RPH3AL: variants seen among roughly 807,000 people sequenced by gnomAD.
The protein encoded by RPH3AL is rabphilin 3A like (without C2 domains).
In RPH3AL, 38 loss-of-function variants were observed where a neutral mutation model predicts 43.1. The observed-to-expected ratio is 0.88, with a 90% confidence interval of 0.68 to 1.15. The LOEUF (loss-of-function observed/expected upper bound fraction) is 1.15, where lower values mean the gene tolerates loss of function less well. Ranked by LOEUF, RPH3AL falls within the 50% of genes most tolerant of loss-of-function variation. The pLI is 0.00. For missense variants in RPH3AL, 462 were observed against 423.2 expected (o/e 1.09, Z -0.81); for synonymous variants, 189 against 176.3 (o/e 1.07, Z -0.57).
intron 8 of RPH3AL, among the ~76,000 whole-genome samples, chr17:217,345 C>T (rs1301805662): frequency 2.3e-5 from 2 of 88,458 alleles, no homozygotes; most frequent in Non-Finnish European, 6.3e-5. Context: ...AGCCCTTCTT[C>T]TGCATTAAAA....
chr17:236,078 A>G (rs2041388388), intron 7 of RPH3AL, among the ~76,000 whole-genome samples: 1 of 150,914 alleles, frequency 6.6e-6, no homozygotes, highest in Non-Finnish European at 1.5e-5. Flanking sequence ...GGTCGGCCAC[A>G]TGGCTTCCCT....
At chr17:303,021 T>G (rs1325745792) in intron 5 of RPH3AL, among the ~76,000 whole-genome samples, 5 of 152,200 alleles carry the variant, frequency 3.3e-5, no homozygotes, top group Admixed American at 3.3e-4. Flanking sequence ...CTATGAGGCA[T>G]CCAAGTCAGA....
chr17:221,368 C>T (rs2040968080), intron 7 of RPH3AL, among the ~76,000 whole-genome samples: 1 of 142,062 alleles, frequency 7.0e-6, no homozygotes, highest in African/African-American at 2.8e-5. Context: ...GCTCTGAGGG[C>T]TCCACTCACT....
At chr17:272,263 C>T (rs1232376619) in intron 6 of RPH3AL, among the ~76,000 whole-genome samples, 3 of 151,924 alleles carry the variant, frequency 2.0e-5, no homozygotes, top group Admixed American at 6.6e-5. Flanking sequence ...GGGTATATAC[C>T]CAAAGGACTA....
At chr17:296,070 A>G (rs2043170867) in intron 5 of RPH3AL, among the ~76,000 whole-genome samples, 1 of 146,504 alleles carries the variant, frequency 6.8e-6, no homozygotes, top group African/African-American at 2.6e-5. Flanking sequence ...ATGGACGGGC[A>G]GAGGGAATAC....
chr17:220,417 G>T (rs62059567), intron 7 of RPH3AL, among the ~76,000 whole-genome samples: 86 of 70,312 alleles, frequency 1.2e-3, no homozygotes, highest in South Asian at 2.4e-3. Context: ...ACAACAGCTC[G>T]GAGGCCTCCA....
intron 9 of RPH3AL, among the ~76,000 whole-genome samples, chr17:214,469 C>CA (rs1226764388): frequency 6.6e-6 from 1 of 152,198 alleles, no homozygotes; most frequent in African/African-American, 2.4e-5. Flanking sequence ...TTTTGAACCA[C>CA]AAAAATGCAA....
chr17:280,668 A>G (rs1398814410), intron 6 of RPH3AL, among the ~76,000 whole-genome samples: 1 of 152,194 alleles, frequency 6.6e-6, no homozygotes, highest in African/African-American at 2.4e-5. Flanking sequence ...CACGAAACCA[A>G]TGGGGAATTG....
At position 215,823 on chromosome 17, in the gene RPH3AL, G is replaced by A; in HGVS notation, c.728-21C>T. The A allele has an allele frequency of 7.7e-7, 1 of 1,299,164 alleles. No homozygotes were observed. The highest frequency in any genetic ancestry group is 9.8e-7 in the Non-Finnish European group (1 of 1,020,274). 80.5% of individuals were successfully genotyped at this position (1,299,164 alleles called of 1,614,324 possible). A position where few individuals can be genotyped will look rare whatever the true frequency, so the allele number is the denominator to read the frequency against. On this transcript the variant is annotated intron_variant, in intron 8 of 9. Coordinates refer to ENST00000331302, the MANE Select transcript of RPH3AL (RefSeq NM_006987.4). The surrounding 1 kb of genome is among the most constrained non-coding windows in gnomAD (Gnocchi z 4.1). ...GCCACCTGTGGGAAATCACGTGTGG[G>A]CCCCGTGGATCTCAAACCGAGACGG...
At chr17:344,602 A>G (rs546543012) in intron 1 of RPH3AL, among the ~76,000 whole-genome samples, 1 of 132,900 alleles carries the variant, frequency 7.5e-6, no homozygotes, top group African/African-American at 2.6e-5. Flanking sequence ...ATCATTGTCA[A>G]TCAGCATCAC....
At chr17:310,731 G>A (rs1323536174) in intron 5 of RPH3AL, among the ~76,000 whole-genome samples, 1 of 152,192 alleles carries the variant, frequency 6.6e-6, no homozygotes, top group Middle Eastern at 3.2e-3. Flanking sequence ...CCGGAGCACT[G>A]GGATCCGCAT....
intron 6 of RPH3AL, among the ~76,000 whole-genome samples, chr17:262,949 C>T (rs1326060262): frequency 6.6e-6 from 1 of 152,226 alleles, no homozygotes; most frequent in Admixed American, 6.5e-5. Flanking sequence ...GGTGCTTCCC[C>T]ACGTGGCCCT....
rs7406424 is a variant in RPH3AL at position 345,716 on chromosome 17, G to A, written c.-213+6996C>T. On this transcript the variant is annotated intron_variant, in intron 1 of 9. Coordinates refer to ENST00000331302, the MANE Select transcript of RPH3AL (RefSeq NM_006987.4). ...TGGGGCACGCGTGCTCCCCATCTGC[G>A]TGCATACCCTACTGGGGCACGCGTG... 8.5e-3 allele frequency among the ~76,000 whole-genome samples: 937 copies of A among 110,742 alleles called. 166 individuals carry two copies. Among genetic ancestry groups the A allele is most frequent in the Admixed American group, 0.064 (761 of 11,982 alleles). 72.7% of individuals were successfully genotyped at this position (110,742 alleles called of 152,430 possible). A position where few individuals can be genotyped will look rare whatever the true frequency, so the allele number is the denominator to read the frequency against.
chr17:315,407 G>A (rs1475854108), intron 5 of RPH3AL, among the ~76,000 whole-genome samples: 4 of 150,998 alleles, frequency 2.6e-5, no homozygotes, highest in Admixed American at 2.0e-4. Flanking sequence ...TGTAGTCCCT[G>A]TGCCCCCACC....
At chr17:308,576 C>T (rs1472871945) in intron 5 of RPH3AL, among the ~76,000 whole-genome samples, 1 of 152,214 alleles carries the variant, frequency 6.6e-6, no homozygotes, top group East Asian at 1.9e-4. Context: ...AGTGGATACA[C>T]AAAGTGGGGT....
intron 6 of RPH3AL, among the ~76,000 whole-genome samples, chr17:276,557 A>G (rs955942435): frequency 1.3e-5 from 2 of 152,018 alleles, no homozygotes; most frequent in Admixed American, 6.6e-5. Flanking sequence ...ATGCCCAGCT[A>G]ATTTTTGTAT....
intron 7 of RPH3AL, among the ~76,000 whole-genome samples, chr17:235,972 CCAAGGCTCTACACTAACAAGA>C (rs1284592500): frequency 2.7e-5 from 4 of 150,918 alleles, no homozygotes; most frequent in East Asian, 2.0e-4. Flanking sequence ...CTGGGGTCGG[CCAAGGCTCTACACTAACAAGA>C]CGGGTCCATG....
chr17:272,653 C>T (rs1411953991), intron 6 of RPH3AL, among the ~76,000 whole-genome samples: 1 of 148,602 alleles, frequency 6.7e-6, no homozygotes, highest in African/African-American at 2.5e-5. Context: ...ATACCTAATG[C>T]TAAAATGACG....
At chr17:305,434 C>T (rs1459185272) in intron 5 of RPH3AL, among the ~76,000 whole-genome samples, 3 of 152,074 alleles carry the variant, frequency 2.0e-5, no homozygotes, top group African/African-American at 4.8e-5. Context: ...ACCCTGGAGG[C>T]CCAGCTCACA....
Sources: allele counts gnomAD v4.1 joint callset (sites outside exome capture counted in the v4.1 genomes callset), GRCh38; gene constraint gnomAD v4.1.1; non-coding constraint Gnocchi (gnomAD v3.1); transcripts MANE v1.5; gene names NCBI Gene and HGNC (gene_info 2026-07-23, HGNC 2026-07-21).